Variants in CNIH3 observed in about 807,000 individuals in gnomAD.
CNIH3 encodes the protein cornichon family AMPA receptor auxiliary protein 3, also known as protein cornichon homolog 3.
CNIH3 carries 14 observed loss-of-function variants against 24.1 expected under a neutral mutation model. The ratio of observed to expected loss-of-function variants is 0.58; its 90% CI spans 0.38 to 0.91. The LOEUF (loss-of-function observed/expected upper bound fraction) is 0.91. CNIH3 is among the 40% of genes least tolerant of loss of function. CNIH3 has a pLI of 0.00. For missense variants in CNIH3, 178 were observed against 196.8 expected, an observed-to-expected ratio of 0.90 and a Z score of 0.57; for synonymous variants, 68 against 73.8, an observed-to-expected ratio of 0.92 and a Z score of 0.40.
At chr1:224,719,037 A>C (rs1029791853) in intron 3 of CNIH3, 1 of 152,204 alleles carries the variant, frequency 6.6e-6, no homozygotes, top group Non-Finnish European at 1.5e-5. Context: ...CACCAGGCTC[A>C]TTGAACTCAT....
At chr1:224,522,127 G>A (rs1209119584) in intron 2 of CNIH3, among the ~76,000 whole-genome samples, 1 of 152,170 alleles carries the variant, frequency 6.6e-6, no homozygotes, top group Non-Finnish European at 1.5e-5. Context: ...GAACTTGTCA[G>A]GCTGTGGAGT....
intron 1 of CNIH3, among the ~76,000 whole-genome samples, chr1:224,516,612 C>A (rs74146364): frequency 0.04 from 6,032 of 152,332 alleles, 347 homozygotes; most frequent in African/African-American, 0.13. Context: ...TTTGCAAAGC[C>A]TCTGCATGCT....
At chr1:224,577,428 A>G (rs899153981) in intron 4 of CNIH3, among the ~76,000 whole-genome samples, 14 of 152,116 alleles carry the variant, frequency 9.2e-5, no homozygotes, top group African/African-American at 3.1e-4. Context: ...CAACAAATAT[A>G]TATATACTAA....
intron 3 of CNIH3, among the ~76,000 whole-genome samples, chr1:224,709,507 G>A (rs562217529): frequency 3.9e-5 from 6 of 152,334 alleles, no homozygotes; most frequent in Non-Finnish European, 8.8e-5. Context: ...GCACCTTCAA[G>A]TGTAGGAGAG....
downstream of CNIH3, among the ~76,000 whole-genome samples, chr1:224,588,968 G>GTTTTGTTTT (rs1553271534): frequency 8.9e-6 from 1 of 112,346 alleles, no homozygotes; most frequent in African/African-American, 3.8e-5. Flanking sequence ...CTGACCCCCT[G>GTTTTGTTTT]TTTTTTTTTT....
intron 1 of CNIH3, among the ~76,000 whole-genome samples, chr1:224,448,816 C>A (rs1052835816): frequency 6.6e-6 from 1 of 152,176 alleles, no homozygotes; most frequent in African/African-American, 2.4e-5. Context: ...TCCATGAGCT[C>A]ATGCAAGCAA....
intron 3 of CNIH3, among the ~76,000 whole-genome samples, chr1:224,693,233 T>G (rs1211069566): frequency 6.6e-6 from 1 of 152,218 alleles, no homozygotes; most frequent in African/African-American, 2.4e-5. Context: ...TGGAGGGGAC[T>G]TGTCCTCACT....
chr1:224,598,433 T>C (rs1269668916), intron 3 of CNIH3, among the ~76,000 whole-genome samples: 1 of 152,216 alleles, frequency 6.6e-6, no homozygotes, highest in East Asian at 1.9e-4. Context: ...ACAAAAGATT[T>C]ACAATATTAC....
chr1:224,730,219 G>C (rs1689249936), intron 3 of CNIH3: 2 of 436,120 alleles, frequency 4.6e-6, no homozygotes, highest in Non-Finnish European at 8.3e-6. Context: ...TCTGTTAATA[G>C]TAAGCAGTGC....
At position 224,604,699 on chromosome 1, in the gene CNIH3, C is replaced by T. The variant is rs1485407078; in HGVS notation, n.402+38435C>T. 6.6e-6 allele frequency among the ~76,000 whole-genome samples: 1 copy of T among 152,204 alleles called. No individual in the cohort carries two copies. Among genetic ancestry groups the T allele is most frequent in the Non-Finnish European group, 1.5e-5 (1 of 68,028 alleles). On this transcript the variant is annotated intron_variant and non_coding_transcript_variant, in intron 3 of 7. Transcript: ENST00000478120. This position sits in a 1 kb window ranked among gnomAD's most constrained non-coding sequence, Gnocchi z 4.4. ...GAAACTGATGTAGGAATTTTCTTCT[C>T]GGTCACTTTGCAAGCCAGGGACCCT...
At chr1:224,538,333 G>GA, downstream of CNIH3, among the ~76,000 whole-genome samples, 1 of 152,136 alleles carries the variant, frequency 6.6e-6, no homozygotes, top group Non-Finnish European at 1.5e-5. Context: ...CATCCCATAA[G>GA]AGTCTCAGGA....
intron 3 of CNIH3, among the ~76,000 whole-genome samples, chr1:224,728,680 A>G (rs1689164210): frequency 6.6e-6 from 1 of 152,164 alleles, no homozygotes; most frequent in Non-Finnish European, 1.5e-5. Flanking sequence ...TAGCTCATCT[A>G]ACTAAATTGA....
At chr1:224,715,180 G>A (rs965572630) in intron 3 of CNIH3, among the ~76,000 whole-genome samples, 3 of 152,120 alleles carry the variant, frequency 2.0e-5, no homozygotes, top group Non-Finnish European at 4.4e-5. Context: ...TTCATTCTGC[G>A]TGATATTCAT....
intron 1 of CNIH3, among the ~76,000 whole-genome samples, chr1:224,676,333 C>A (rs1297714180): frequency 6.6e-6 from 1 of 151,792 alleles, no homozygotes; most frequent in African/African-American, 2.4e-5. Flanking sequence ...TTAGTGGTTG[C>A]TGGGCAGGGG....
chr1:224,540,658 T>A (rs1679478990), downstream of CNIH3, among the ~76,000 whole-genome samples: 1 of 152,216 alleles, frequency 6.6e-6, no homozygotes, highest in Non-Finnish European at 1.5e-5. Context: ...CTCCAGCTCA[T>A]GTTTTTTTAC....
At chr1:224,720,557 G>A (rs1180852902) in intron 3 of CNIH3, among the ~76,000 whole-genome samples, 2 of 152,190 alleles carry the variant, frequency 1.3e-5, no homozygotes, top group African/African-American at 4.8e-5. Context: ...GGTGGGACAG[G>A]TTGGAGAGGA....
At chr1:224,486,410 T>C (rs1307271380) in intron 1 of CNIH3, among the ~76,000 whole-genome samples, 3 of 152,132 alleles carry the variant, frequency 2.0e-5, no homozygotes, top group Non-Finnish European at 2.9e-5. Flanking sequence ...ACTTTGTGTT[T>C]TATGCATAGT....
At chr1:224,490,024 C>CA (rs1316317872) in intron 1 of CNIH3, among the ~76,000 whole-genome samples, 2 of 151,718 alleles carry the variant, frequency 1.3e-5, no homozygotes, top group African/African-American at 4.8e-5. Flanking sequence ...TATGTAGGAC[C>CA]AAAAAAATAG....
At chr1:224,699,168 C>G (rs1213850058) in intron 3 of CNIH3, among the ~76,000 whole-genome samples, 5 of 152,200 alleles carry the variant, frequency 3.3e-5, no homozygotes, top group Admixed American at 2.6e-4. Flanking sequence ...CATAACCATT[C>G]CCAGGATCCA....
Sources: allele counts gnomAD v4.1 joint callset (sites outside exome capture counted in the v4.1 genomes callset), GRCh38; gene constraint gnomAD v4.1.1; non-coding constraint Gnocchi (gnomAD v3.1); transcripts MANE v1.5; gene names NCBI Gene and HGNC (gene_info 2026-07-23, HGNC 2026-07-21).